The following FRMPD3 variants were observed in gnomAD, a reference collection of about 807,000 sequenced individuals.
FRMPD3 encodes FERM and PDZ domain containing 3, also known as FERM and PDZ domain-containing protein 3.
Under a neutral mutation model 97.9 loss-of-function variants are expected in FRMPD3, and 42 were observed. That is an observed-to-expected ratio of 0.43 (90% CI 0.34 to 0.55). The LOEUF (loss-of-function observed/expected upper bound fraction) is 0.55, where lower values mean the gene tolerates loss of function less well. Among genes scored for constraint, FRMPD3 ranks in the 20% least tolerant of loss-of-function variants. FRMPD3 has a pLI of 0.03. For synonymous variants in FRMPD3, 577 were observed against 581.1 expected (o/e 0.99, Z 0.10); for missense variants, 1,303 against 1,457.7 (o/e 0.89, Z 1.73).
At chrX:107,564,376 A>G (rs1428055250) in intron 11 of FRMPD3, among the ~76,000 whole-genome samples, 2 of 112,564 alleles carry the variant, frequency 1.8e-5, no homozygotes, top group Non-Finnish European at 1.9e-5. Flanking sequence ...TCAACCCTCA[A>G]CACCTTAGGC....
chrX:107,562,237 G>C (rs749474791), intron 10 of FRMPD3, among the ~76,000 whole-genome samples: 1 of 112,584 alleles, frequency 8.9e-6, no homozygotes, highest in African/African-American at 3.2e-5. Context: ...AATGCAAGCT[G>C]TGTGCAAGGG....
At chrX:107,465,755 C>T (rs754273037) in intron 1 of FRMPD3, among the ~76,000 whole-genome samples, 1 of 111,162 alleles carries the variant, frequency 9.0e-6, no homozygotes, top group African/African-American at 3.3e-5. Flanking sequence ...CCTGACTTTC[C>T]CACCATTACA....
chrX:107,461,733 GC>G, intron 1 of FRMPD3, among the ~76,000 whole-genome samples: 1 of 107,414 alleles, frequency 9.3e-6, no homozygotes, highest in Non-Finnish European at 1.9e-5. Context: ...TATGAGGCCT[GC>G]CTTCCACAAC....
At chrX:107,473,692 C>G (rs1427277687) in intron 1 of FRMPD3, among the ~76,000 whole-genome samples, 1 of 112,410 alleles carries the variant, frequency 8.9e-6, no homozygotes, top group Admixed American at 9.4e-5. Flanking sequence ...CATACACACA[C>G]TTTTCTCCCA....
At chrX:107,451,354 G>C (rs908926519) in intron 1 of FRMPD3, among the ~76,000 whole-genome samples, 6 of 112,369 alleles carry the variant, frequency 5.3e-5, no homozygotes, top group Non-Finnish European at 9.4e-5. Flanking sequence ...GACTCAGAGC[G>C]AAGCACCAAG....
intron 1 of FRMPD3, among the ~76,000 whole-genome samples, chrX:107,518,984 C>T (rs891711432): frequency 2.2e-4 from 25 of 112,045 alleles, no homozygotes; most frequent in Non-Finnish European, 3.8e-4. Context: ...AGACAGATAT[C>T]GTATGATTCC....
chrX:107,592,415 C>T (rs1375088098), intron 13 of FRMPD3, among the ~76,000 whole-genome samples: 1 of 111,514 alleles, frequency 9.0e-6, no homozygotes, highest in Non-Finnish European at 1.9e-5. Flanking sequence ...GATGGAATCT[C>T]GCTCTGTCAC....
intron 4 of FRMPD3, among the ~76,000 whole-genome samples, chrX:107,538,130 A>G (rs945695238): frequency 9.0e-6 from 1 of 111,548 alleles, no homozygotes; most frequent in Non-Finnish European, 1.9e-5. Context: ...ACACTTTTGA[A>G]CTTCATTTTC....
chrX:107,590,713 T>C (rs1399291092), intron 13 of FRMPD3, among the ~76,000 whole-genome samples: 2 of 113,083 alleles, frequency 1.8e-5, no homozygotes, highest in African/African-American at 6.4e-5. Context: ...TCTTTTTATA[T>C]GTTGCTGGAT....
chrX:107,463,576 T>A (rs1287970066), intron 1 of FRMPD3, among the ~76,000 whole-genome samples: 6 of 112,241 alleles, frequency 5.3e-5, no homozygotes, highest in Non-Finnish European at 7.5e-5. Context: ...GCAATTGTAA[T>A]CCCCCCACTA....
intron 1 of FRMPD3, among the ~76,000 whole-genome samples, chrX:107,512,474 C>G (rs969091727): frequency 1.8e-5 from 2 of 111,904 alleles, no homozygotes; most frequent in Non-Finnish European, 3.8e-5. Context: ...TCCTCTTCAC[C>G]GTCTGCAAGG....
At chrX:107,549,336 G>GA (rs1237932431) in intron 5 of FRMPD3, among the ~76,000 whole-genome samples, 9 of 105,090 alleles carry the variant, frequency 8.6e-5, no homozygotes, top group East Asian at 2.9e-4. Context: ...AAAAGAAAAA[G>GA]AAAAAAAAAA....
At chrX:107,554,077 C>T (rs1921977125) in intron 7 of FRMPD3, among the ~76,000 whole-genome samples, 1 of 111,655 alleles carries the variant, frequency 9.0e-6, no homozygotes, top group Admixed American at 9.5e-5. Context: ...GGAGTCTGAG[C>T]CATTGCCAGG....
chrX:107,560,870 A>G lies in FRMPD3; in HGVS notation c.1026+17A>G, dbSNP rs758223462. 8.5e-7 allele frequency: 1 copy of G among 1,183,189 alleles called. No individual in the cohort carries two copies. The highest frequency in any genetic ancestry group is 2.3e-5 in the Admixed American group (1 of 43,144). On this transcript the variant is annotated intron_variant, in intron 10 of 14. Coordinates refer to ENST00000683843, the MANE Select transcript of FRMPD3 (RefSeq NM_001388459.1). Reference sequence around the variant, plus strand: ...GGCACCAAGGTATCCAGAGTAGACCACTGGGCATGGTGCTCCAGGCACTAC... The same window carrying G: ...GGCACCAAGGTATCCAGAGTAGACCGCTGGGCATGGTGCTCCAGGCACTAC...
chrX:107,535,195 T>C (rs757308140), intron 4 of FRMPD3, among the ~76,000 whole-genome samples: 1 of 112,717 alleles, frequency 8.9e-6, no homozygotes, highest in Non-Finnish European at 1.9e-5. Flanking sequence ...GAGTACCCTT[T>C]CTAAAATAGC....
chrX:107,564,645 C>T (rs1286269654), intron 11 of FRMPD3, among the ~76,000 whole-genome samples: 1 of 112,318 alleles, frequency 8.9e-6, no homozygotes, highest in African/African-American at 3.2e-5. Flanking sequence ...GCACTTTACT[C>T]AACCTGCTGC....
chrX:107,513,244 A>C (rs2053036419), intron 1 of FRMPD3: 2 of 111,615 alleles, frequency 1.8e-5, no homozygotes, highest in Non-Finnish European at 3.8e-5. Context: ...CTGTTTGGAC[A>C]ACCAGAAAAA....
At chrX:107,559,531 T>C (rs1922255394) in intron 8 of FRMPD3, among the ~76,000 whole-genome samples, 1 of 111,707 alleles carries the variant, frequency 9.0e-6, no homozygotes, top group Non-Finnish European at 1.9e-5. Flanking sequence ...CCTTTTCCAC[T>C]CTCTCCTATA....
intron 13 of FRMPD3, among the ~76,000 whole-genome samples, chrX:107,584,240 T>C (rs1200874606): frequency 2.7e-5 from 3 of 111,795 alleles, no homozygotes; most frequent in Non-Finnish European, 5.6e-5. Context: ...AAATGTCTTC[T>C]TTTGAGAAGT....
Sources: allele counts gnomAD v4.1 joint callset (sites outside exome capture counted in the v4.1 genomes callset), GRCh38; gene constraint gnomAD v4.1.1; transcripts MANE v1.5; gene names NCBI Gene and HGNC (gene_info 2026-07-23, HGNC 2026-07-21).